Variants in CAMTA1 observed in about 807,000 individuals in gnomAD.
The protein encoded by CAMTA1 is calmodulin-binding transcription activator 1.
In CAMTA1, 27 loss-of-function variants were observed where a neutral mutation model predicts 170.9. The ratio of observed to expected loss-of-function variants is 0.16; its 90% CI spans 0.12 to 0.22. The LOEUF is 0.22. Among genes scored for constraint, CAMTA1 ranks in the 10% least tolerant of loss-of-function variants. CAMTA1 has a pLI of 1.00. For synonymous variants in CAMTA1, 833 were observed against 891.5 expected (o/e 0.93, Z 1.17); for missense variants, 1,619 against 2,217.2 (o/e 0.73, Z 5.42).
chr1:7,669,879 C>T (rs1387219847), intron 9 of CAMTA1, among the ~76,000 whole-genome samples: 2 of 152,232 alleles, frequency 1.3e-5, no homozygotes, highest in East Asian at 3.8e-4. Context: ...CTCCAAGGTG[C>T]CGTCCACCTC....
chr1:7,261,492 A>T (rs554871125), intron 5 of CAMTA1, among the ~76,000 whole-genome samples: 1 of 152,360 alleles, frequency 6.6e-6, no homozygotes, highest in East Asian at 1.9e-4. Flanking sequence ...AACGGAAGTG[A>T]GGTCAGCTCA....
rs1574194444 is a variant in CAMTA1 at position 7,249,469 on chromosome 1, C to A, written c.303-22C>A. ...TTCTTCTACTTGGTACTCTTGGTAACTTAACCATTTGTTGTTTCCAGACCA... is the reference window on the plus strand; with the variant it reads ...TTCTTCTACTTGGTACTCTTGGTAAATTAACCATTTGTTGTTTCCAGACCA... On this transcript the variant is annotated intron_variant, in intron 4 of 22. Coordinates refer to ENST00000303635, the MANE Select transcript of CAMTA1 (RefSeq NM_015215.4). The surrounding 1 kb of genome is among the most constrained non-coding windows in gnomAD (Gnocchi z 4.4). 3 of 1,604,540 alleles carry A rather than the reference C, an allele frequency of 1.9e-6. No individual in the cohort carries two copies. The highest frequency in any genetic ancestry group is 2.6e-6 in the Non-Finnish European group (3 of 1,174,352).
At chr1:7,079,120 C>T (rs538782985) in intron 3 of CAMTA1, among the ~76,000 whole-genome samples, 1 of 152,316 alleles carries the variant, frequency 6.6e-6, no homozygotes, top group South Asian at 2.1e-4. Context: ...GACTGGGGAG[C>T]TGTCCTTGAA....
At chr1:7,019,206 C>T (rs903876490) in intron 3 of CAMTA1, among the ~76,000 whole-genome samples, 10 of 152,196 alleles carry the variant, frequency 6.6e-5, no homozygotes, top group Non-Finnish European at 1.3e-4. Context: ...CGCGGACACT[C>T]GGGTTCTCTG....
chr1:7,379,426 G>A (rs993025316), intron 5 of CAMTA1, among the ~76,000 whole-genome samples: 8 of 152,154 alleles, frequency 5.3e-5, no homozygotes, highest in African/African-American at 1.7e-4. Context: ...TGAATCCATT[G>A]TGAGGGATCG....
At chr1:7,115,648 C>T (rs1644289945) in intron 4 of CAMTA1, among the ~76,000 whole-genome samples, 1 of 145,094 alleles carries the variant, frequency 6.9e-6, no homozygotes, top group Non-Finnish European at 1.5e-5. Flanking sequence ...AAGCCTGAGA[C>T]CCAGGAGAGC....
chr1:7,742,302 T>C lies in CAMTA1; in HGVS notation c.4183-2533T>C, dbSNP rs562941597. Among the ~76,000 whole-genome samples, 22 of 152,094 alleles carry C rather than the reference T, an allele frequency of 1.4e-4. No homozygotes were observed. In the South Asian group the frequency reaches 4.3e-3, roughly 30 times the overall value. On this transcript the variant is annotated intron_variant, in intron 16 of 22. Transcript: ENST00000303635. The stretch of plus-strand genomic sequence containing the variant: ...ATAGCTCAGAATTTTTCAGATCAAG[T>C]AGATATGAAAAGCATATGAACAAGT...
At position 7,249,411 on chromosome 1, in the gene CAMTA1, T is replaced by C. The variant is rs1447572447; in HGVS notation, c.303-80T>C. On this transcript the variant is annotated intron_variant, in intron 4 of 22. Transcript: ENST00000303635. This position sits in a 1 kb window ranked among gnomAD's most constrained non-coding sequence, Gnocchi z 4.4. ...GAATATTGCTTTTCTGTAGAGACTT[T>C]TACTGGTCGATGATATCTTTCTTCA... is the stretch of plus-strand genomic sequence containing the variant. The C allele has an allele frequency of 3.7e-6, 5 of 1,344,984 alleles. No individual in the cohort carries two copies. Among genetic ancestry groups the C allele is most frequent in the East Asian group, 2.3e-5 (1 of 42,702 alleles). The allele number at this position is 1,344,984 out of a possible 1,614,324, so 83.3% of individuals were successfully genotyped here.
chr1:7,717,931 C>T (rs1002536584), intron 11 of CAMTA1, among the ~76,000 whole-genome samples: 3 of 152,090 alleles, frequency 2.0e-5, no homozygotes, highest in Admixed American at 6.6e-5. Flanking sequence ...TAAATCATTT[C>T]GTCAATAAAT....
intron 3 of CAMTA1, among the ~76,000 whole-genome samples, chr1:6,882,510 G>C (rs985531337): frequency 2.6e-5 from 4 of 152,162 alleles, no homozygotes; most frequent in Admixed American, 6.5e-5. Context: ...TGATGACTGT[G>C]TTTTTGCACT....
At chr1:6,995,493 G>A (rs540341309) in intron 3 of CAMTA1, among the ~76,000 whole-genome samples, 251 of 151,734 alleles carry the variant, frequency 1.7e-3, no homozygotes, top group African/African-American at 5.8e-3. Context: ...TAGTAGAGAC[G>A]AGGCTTCACC....
At chr1:6,863,222 A>G (rs1006176592) in intron 3 of CAMTA1, among the ~76,000 whole-genome samples, 1 of 152,202 alleles carries the variant, frequency 6.6e-6, no homozygotes, top group Non-Finnish European at 1.5e-5. Context: ...CAAATAAACA[A>G]TACAGTATTA....
chr1:7,109,988 C>A (rs969342671), intron 4 of CAMTA1, among the ~76,000 whole-genome samples: 3 of 152,154 alleles, frequency 2.0e-5, no homozygotes, highest in African/African-American at 7.2e-5. Context: ...GGCTCTGCTG[C>A]CTATGGTGAG....
intron 5 of CAMTA1, among the ~76,000 whole-genome samples, chr1:7,378,512 C>T (rs540280716): frequency 8.5e-5 from 13 of 152,222 alleles, no homozygotes; most frequent in African/African-American, 1.2e-4. Context: ...CGCAGCAGGC[C>T]GCACATGGTG....
At chr1:7,130,822 A>G (rs1028184270) in intron 4 of CAMTA1, among the ~76,000 whole-genome samples, 8 of 152,126 alleles carry the variant, frequency 5.3e-5, no homozygotes, top group African/African-American at 1.7e-4. Context: ...ACATATTCCA[A>G]TCTTTTGCCT....
At position 7,555,262 on chromosome 1, in the gene CAMTA1, G is replaced by A. The variant is rs550288063; in HGVS notation, c.511-85138G>A. On this transcript the variant is annotated intron_variant, in intron 6 of 22. Transcript: ENST00000303635. ...GATTGACAGAAAGCTCCGCGAAAAG[G>A]AAGGGAGCATTTGTTTCCATTTTTA... Among the ~76,000 whole-genome samples, 5 of 152,320 alleles carry A rather than the reference G, an allele frequency of 3.3e-5. No homozygotes were observed. In the South Asian group the frequency reaches 1.0e-3, roughly 32 times the overall value.
chr1:7,160,374 C>G (rs1381677735), intron 4 of CAMTA1, among the ~76,000 whole-genome samples: 4 of 152,206 alleles, frequency 2.6e-5, no homozygotes, highest in African/African-American at 9.6e-5. Flanking sequence ...ACCTTGTCAC[C>G]TGGCCCCCAC....
At chr1:7,629,949 A>C (rs758202923) in intron 6 of CAMTA1, among the ~76,000 whole-genome samples, 2 of 152,038 alleles carry the variant, frequency 1.3e-5, no homozygotes, top group Admixed American at 6.5e-5. Context: ...CTCGCCCTGC[A>C]CGTCACTGCC....
chr1:7,725,062 G>C (rs933580719), intron 11 of CAMTA1, among the ~76,000 whole-genome samples: 1 of 152,162 alleles, frequency 6.6e-6, no homozygotes, highest in Non-Finnish European at 1.5e-5. Context: ...AAGGAGCACA[G>C]GGAGAAGAGG....
Sources: gnomAD v4.1 joint callset for allele counts (sites outside exome capture counted in the v4.1 genomes callset) on GRCh38, gnomAD v4.1.1 for gene constraint, Gnocchi (gnomAD v3.1) non-coding constraint, MANE v1.5 for transcripts, NCBI Gene and HGNC (gene_info 2026-07-23, HGNC 2026-07-21) for gene names.